The following CD247 variants were observed in gnomAD, a reference collection of about 807,000 sequenced individuals.
The protein encoded by CD247 is T-cell surface glycoprotein CD3 zeta chain.
A neutral mutation model predicts 30.0 loss-of-function variants in CD247; 13 were observed. That is an observed-to-expected ratio of 0.43 (90% CI 0.28 to 0.69). The LOEUF (loss-of-function observed/expected upper bound fraction) is 0.69. Among genes scored for constraint, CD247 ranks in the 30% least tolerant of loss-of-function variants. CD247 has a pLI of 0.16. For synonymous variants in CD247, 72 were observed against 80.0 expected (o/e 0.90, Z 0.53); for missense variants, 193 against 212.6 (o/e 0.91, Z 0.57).
chr1:167,490,670 C>T (rs959201797), intron 1 of CD247, among the ~76,000 whole-genome samples: 7 of 152,090 alleles, frequency 4.6e-5, no homozygotes, highest in African/African-American at 1.4e-4. Flanking sequence ...CAGTGACTCA[C>T]GCCTGTAATC....
At chr1:167,440,398 G>T in intron 2 of CD247, 3 of 529,428 alleles carry the variant, frequency 5.7e-6, no homozygotes, top group Non-Finnish European at 1.0e-5. Flanking sequence ...GCCTTCCCTG[G>T]GACACTCTGA....
At chr1:167,485,964 A>G (rs1654190431) in intron 1 of CD247, among the ~76,000 whole-genome samples, 1 of 151,932 alleles carries the variant, frequency 6.6e-6, no homozygotes, top group South Asian at 2.1e-4. Context: ...TGGGGAGGGG[A>G]GGGTTAAGAG....
At chr1:167,513,345 T>C (rs1281872316) in intron 1 of CD247, among the ~76,000 whole-genome samples, 1 of 152,182 alleles carries the variant, frequency 6.6e-6, no homozygotes, top group Non-Finnish European at 1.5e-5. Context: ...GTAAAAAATG[T>C]TGGATTGGAA....
rs530204054 is a variant in CD247 at position 167,509,093 on chromosome 1, G to A, written c.58+9315C>T. Among the ~76,000 whole-genome samples the A allele has an allele frequency of 5.9e-5, 9 of 152,242 alleles. No homozygotes were observed. The South Asian group carries it at 6.2e-4, about 11-fold the overall frequency. ...CAGATATTAAAAATCATGGCTGGGC[G>A]CGGTGGCTCATGCCTATAATCCCAG... On this transcript the variant is annotated intron_variant, in intron 1 of 7. Coordinates refer to ENST00000362089, the MANE Select transcript of CD247 (RefSeq NM_198053.3).
At chr1:167,500,591 C>A (rs555309522) in intron 1 of CD247, among the ~76,000 whole-genome samples, 4 of 152,186 alleles carry the variant, frequency 2.6e-5, no homozygotes, top group Non-Finnish European at 4.4e-5. Context: ...TTACCACCCC[C>A]CTACACACAC....
chr1:167,430,879 T>G lies in CD247; in HGVS notation c.*802A>C, dbSNP rs544931747. ...CGAGGCCTTCACAAAGATGATTTTG[T>G]CATTCGCTGAAAGCGTGAAGTGAAT... On this transcript the variant is annotated 3_prime_UTR_variant, in exon 8 of 8. Transcript: ENST00000362089. The G allele has an allele frequency of 2.5e-6, 1 of 398,810 alleles. No individual in the cohort carries two copies. The highest frequency in any genetic ancestry group is 2.1e-5 in the African/African-American group (1 of 48,778). The allele number at this position is 398,810 out of a possible 1,614,324, so 24.7% of individuals were successfully genotyped here. A position where few individuals can be genotyped will look rare whatever the true frequency, so the allele number is the denominator to read the frequency against.
intron 5 of CD247, chr1:167,434,449 A>T (rs368053562): frequency 3.5e-4 from 128 of 362,910 alleles, no homozygotes; most frequent in African/African-American, 2.6e-3. Flanking sequence ...TTACACAGCC[A>T]AACGGGCTGT....
chr1:167,433,012 G>A lies in CD247; in HGVS notation c.429+12C>T, dbSNP rs201171777. On this transcript the variant is annotated intron_variant, in intron 7 of 7. Transcript: ENST00000362089. ...GTGCCCCTTCCACTGAAGGGACGCC[G>A]GCAGCTCCTACCTGGTAAAGGCCAT... 67 of 1,613,984 alleles carry A rather than the reference G, an allele frequency of 4.2e-5. No individual in the cohort carries two copies. Among genetic ancestry groups the A allele is most frequent in the East Asian group, 1.1e-4 (5 of 44,892 alleles).
At chr1:167,463,023 G>C (rs960496220) in intron 1 of CD247, among the ~76,000 whole-genome samples, 3 of 152,200 alleles carry the variant, frequency 2.0e-5, no homozygotes, top group Non-Finnish European at 2.9e-5. Context: ...CTGGCCCTAA[G>C]AATTTGGGGA....
intron 1 of CD247, among the ~76,000 whole-genome samples, chr1:167,491,370 A>G (rs920807730): frequency 7.9e-5 from 12 of 152,180 alleles, no homozygotes; most frequent in African/African-American, 2.9e-4. Flanking sequence ...GGAGTTCGAG[A>G]CCAGCCTGAC....
At chr1:167,471,308 T>C (rs905950447) in intron 1 of CD247, among the ~76,000 whole-genome samples, 2 of 152,182 alleles carry the variant, frequency 1.3e-5, no homozygotes, top group African/African-American at 4.8e-5. Flanking sequence ...CAGCTCTAAA[T>C]TTTCTGGGCT....
intron 1 of CD247, chr1:167,458,724 G>T (rs1191555204): frequency 8.9e-6 from 1 of 111,838 alleles, no homozygotes; most frequent in Admixed American, 1.2e-4. Context: ...TTGAGACAGG[G>T]TCTTGCTCTC....
chr1:167,514,971 A>C (rs1278669805), intron 1 of CD247, among the ~76,000 whole-genome samples: 2 of 152,220 alleles, frequency 1.3e-5, no homozygotes, highest in East Asian at 3.9e-4. Context: ...AAATACAAAG[A>C]ATTTAAAATT....
At chr1:167,442,119 A>T (rs892425974) in intron 1 of CD247, among the ~76,000 whole-genome samples, 3 of 152,232 alleles carry the variant, frequency 2.0e-5, no homozygotes, top group African/African-American at 7.2e-5. Flanking sequence ...TCAAAAAAAA[A>T]TTTAAAAAGT....
At chr1:167,484,359 G>T (rs1441911556) in intron 1 of CD247, among the ~76,000 whole-genome samples, 1 of 152,230 alleles carries the variant, frequency 6.6e-6, no homozygotes, top group Admixed American at 6.5e-5. Flanking sequence ...AAGGACAGCA[G>T]GGGCTTCTCC....
chr1:167,452,455 C>T (rs1571530694), intron 1 of CD247, among the ~76,000 whole-genome samples: 2 of 149,706 alleles, frequency 1.3e-5, no homozygotes, highest in Middle Eastern at 7.1e-3. Context: ...CAGACATGTA[C>T]AGAGGGAAGA....
intron 1 of CD247, among the ~76,000 whole-genome samples, chr1:167,482,013 C>T (rs1264204489): frequency 6.6e-6 from 1 of 152,194 alleles, no homozygotes; most frequent in African/African-American, 2.4e-5. Flanking sequence ...ACTCCCTCTT[C>T]TGCCTCTCAA....
intron 1 of CD247, among the ~76,000 whole-genome samples, chr1:167,497,891 CCAGCA>C (rs1389425599): frequency 6.6e-6 from 1 of 152,160 alleles, no homozygotes; most frequent in Non-Finnish European, 1.5e-5. Context: ...GGTTCTTTAC[CCAGCA>C]CAGATTCCAT....
chr1:167,502,710 T>C (rs1654963362), intron 1 of CD247, among the ~76,000 whole-genome samples: 1 of 152,106 alleles, frequency 6.6e-6, no homozygotes, highest in Non-Finnish European at 1.5e-5. Context: ...ATGACTGGTG[T>C]CCTTATAAAA....
Sources: allele counts gnomAD v4.1 joint callset (sites outside exome capture counted in the v4.1 genomes callset), GRCh38; gene constraint gnomAD v4.1.1; transcripts MANE v1.5; gene names NCBI Gene and HGNC (gene_info 2026-07-23, HGNC 2026-07-21).